P2RY14: variants seen among roughly 807,000 people sequenced by gnomAD.
P2RY14 encodes the protein P2Y purinoceptor 14.
A neutral mutation model predicts 0.9 loss-of-function variants in P2RY14; 2 were observed. The observed-to-expected ratio is 2.16, with a 90% CI of 0.88 to 6.79. The LOEUF is 6.79. P2RY14 is among the 30% of genes most tolerant of loss of function. The pLI is 0.05. For missense variants in P2RY14, 378 were observed against 400.1 expected (o/e 0.94, Z 0.47); for synonymous variants, 158 against 147.2 (o/e 1.07, Z -0.53).
At chr3:151,243,092 G>T (rs1438670415) in intron 1 of P2RY14, among the ~76,000 whole-genome samples, 1 of 151,288 alleles carries the variant, frequency 6.6e-6, no homozygotes, top group East Asian at 1.9e-4. Flanking sequence ...AATGAGCAAA[G>T]CCTCCAAGAA....
At chr3:151,231,918 T>C (rs995801207) in intron 1 of P2RY14, among the ~76,000 whole-genome samples, 1 of 152,230 alleles carries the variant, frequency 6.6e-6, no homozygotes, top group Admixed American at 6.5e-5. Flanking sequence ...CAAAGTGTTA[T>C]GTTTGTATGT....
chr3:151,226,365 G>T (rs530002737), intron 1 of P2RY14, among the ~76,000 whole-genome samples: 2 of 152,206 alleles, frequency 1.3e-5, no homozygotes, highest in African/African-American at 2.4e-5. Flanking sequence ...GTAACATGAT[G>T]GAATCTTGCC....
intron 1 of P2RY14, among the ~76,000 whole-genome samples, chr3:151,262,732 A>G (rs938408069): frequency 6.6e-6 from 1 of 150,420 alleles, no homozygotes; most frequent in African/African-American, 2.4e-5. Context: ...TGCACTAGGA[A>G]GATAACAGGA....
chr3:151,257,824 C>T (rs1738111218), intron 1 of P2RY14, among the ~76,000 whole-genome samples: 1 of 152,210 alleles, frequency 6.6e-6, no homozygotes, highest in African/African-American at 2.4e-5. Context: ...ATGTGGACCA[C>T]TTGGCTTAGA....
intron 1 of P2RY14, among the ~76,000 whole-genome samples, chr3:151,276,824 C>T (rs760780624): frequency 6.6e-6 from 1 of 152,162 alleles, no homozygotes; most frequent in Non-Finnish European, 1.5e-5. Context: ...TTCCTCTGCA[C>T]CCGGCCCACT....
At chr3:151,239,192 T>C (rs1230436328) in intron 1 of P2RY14, among the ~76,000 whole-genome samples, 1 of 152,222 alleles carries the variant, frequency 6.6e-6, no homozygotes, top group Non-Finnish European at 1.5e-5. Flanking sequence ...ACATGACCAA[T>C]GTATGATGTT....
At chr3:151,242,206 C>T (rs974956030) in intron 1 of P2RY14, among the ~76,000 whole-genome samples, 31 of 152,202 alleles carry the variant, frequency 2.0e-4, no homozygotes, top group African/African-American at 3.9e-4. Context: ...GAGGGGCGCC[C>T]GCCATTGCCC....
At position 151,213,687 on chromosome 3, in the gene P2RY14, T is replaced by G. The variant is rs1288266989; in HGVS notation, c.630A>C (p.Thr210=). 6.2e-7 allele frequency: 1 copy of G among 1,614,210 alleles called. No homozygotes were observed. The highest frequency in any genetic ancestry group is 1.7e-5 in the Admixed American group (1 of 60,022). The change falls in exon 3 of 3, where the codon ACA becomes ACC. Residue 210 remains threonine, a synonymous_variant. Coordinates refer to ENST00000309170, the MANE Select transcript of P2RY14 (RefSeq NM_014879.4). The stretch of plus-strand genomic sequence containing the variant: ...TAAGGTGGGACTTAAAGATTTTCTT[T>G]GTGATAGCAGTATAGAAAACGATTA... The part of the protein sequence containing the change: ...LLLIVFYTAI[T]KKIFKSHLKS...
Position 151,224,905 on chromosome 3 carries a change from G to A in P2RY14, c.-132-5263C>T, listed in dbSNP as rs111465725. 5.8e-3 allele frequency among the ~76,000 whole-genome samples: 881 copies of A among 152,100 alleles called. 9 individuals are homozygous for A. The highest frequency in any genetic ancestry group is 0.02 in the African/African-American group (843 of 41,482). On this transcript the variant is annotated intron_variant, in intron 1 of 2. Transcript: ENST00000309170. Reference sequence around the variant, plus strand: ...TGATATTTCTTCCTTTGCCAAGGCCGTTTGTTCATTTGCTCACTAAAGCCA... The same window carrying A: ...TGATATTTCTTCCTTTGCCAAGGCCATTTGTTCATTTGCTCACTAAAGCCA...
intron 1 of P2RY14, among the ~76,000 whole-genome samples, chr3:151,258,726 C>T (rs1032121370): frequency 2.6e-5 from 4 of 152,062 alleles, no homozygotes; most frequent in Admixed American, 2.6e-4. Flanking sequence ...GTGGTGCATG[C>T]CTGTAGTCCC....
intron 1 of P2RY14, among the ~76,000 whole-genome samples, chr3:151,246,621 C>T (rs1735561015): frequency 6.6e-6 from 1 of 152,100 alleles, no homozygotes; most frequent in Non-Finnish European, 1.5e-5. Flanking sequence ...AAAATCAATT[C>T]AAGATGGATT....
At chr3:151,230,075 T>G (rs1731339161) in intron 1 of P2RY14, among the ~76,000 whole-genome samples, 1 of 152,098 alleles carries the variant, frequency 6.6e-6, no homozygotes, top group South Asian at 2.1e-4. Context: ...GTTCACGCCA[T>G]TCTCCCGCCT....
chr3:151,262,595 A>G (rs1320284759), intron 1 of P2RY14, among the ~76,000 whole-genome samples: 3 of 152,238 alleles, frequency 2.0e-5, no homozygotes, highest in Non-Finnish European at 4.4e-5. Flanking sequence ...TGTGTTTTTT[A>G]AATTTACTAA....
Position 151,242,299 on chromosome 3 carries a change from C to G in P2RY14, c.-132-22657G>C, listed in dbSNP as rs867776517. Among the ~76,000 whole-genome samples, 296 of 151,882 alleles carry G rather than the reference C, an allele frequency of 1.9e-3. 2 individuals carry two copies. The highest frequency in any genetic ancestry group is 6.3e-3 in the African/African-American group (260 of 41,432). ...AGCTCAAGGAGGCCTGCCTGCCTCT[C>G]TAGGCTCCACCTCTGGGGGCAGGGC... is the stretch of plus-strand genomic sequence containing the variant. On this transcript the variant is annotated intron_variant, in intron 1 of 2. Coordinates refer to ENST00000309170, the MANE Select transcript of P2RY14 (RefSeq NM_014879.4).
chr3:151,240,163 T>C (rs550703592), intron 1 of P2RY14, among the ~76,000 whole-genome samples: 6 of 152,292 alleles, frequency 3.9e-5, no homozygotes, highest in South Asian at 2.1e-4. Flanking sequence ...CCCCGTTTTT[T>C]AGAGTGTAGA....
chr3:151,243,606 C>T (rs1252249058), intron 1 of P2RY14, among the ~76,000 whole-genome samples: 3 of 151,684 alleles, frequency 2.0e-5, no homozygotes, highest in Non-Finnish European at 3.0e-5. Context: ...TAAAAGAGCT[C>T]CTGAAGGAAG....
intron 1 of P2RY14, among the ~76,000 whole-genome samples, chr3:151,234,240 C>T (rs1732282158): frequency 6.6e-6 from 1 of 152,240 alleles, no homozygotes; most frequent in South Asian, 2.1e-4. Context: ...AAATTTTATG[C>T]AGCAGTGAGA....
intron 1 of P2RY14, chr3:151,270,034 G>A: frequency 4.3e-6 from 1 of 233,756 alleles, no homozygotes; most frequent in Non-Finnish European, 8.4e-6. Flanking sequence ...GAAGAAGGAT[G>A]GGAAGATATT....
intron 1 of P2RY14, among the ~76,000 whole-genome samples, chr3:151,254,079 AC>A (rs1269291954): frequency 6.6e-6 from 1 of 151,822 alleles, no homozygotes; most frequent in East Asian, 1.9e-4. Flanking sequence ...ATTTAAAAAA[AC>A]ATATAATGAA....
Sources: allele counts gnomAD v4.1 joint callset (sites outside exome capture counted in the v4.1 genomes callset), GRCh38; gene constraint gnomAD v4.1.1; transcripts MANE v1.5; gene names NCBI Gene and HGNC (gene_info 2026-07-23, HGNC 2026-07-21).